ESRRB: variants seen among roughly 807,000 people sequenced by gnomAD.
The protein encoded by ESRRB is steroid hormone receptor ERR2.
In ESRRB, 16 loss-of-function variants were observed where a neutral mutation model predicts 46.0. The ratio of observed to expected loss-of-function variants is 0.35; its 90% CI spans 0.24 to 0.53. The LOEUF (loss-of-function observed/expected upper bound fraction) is 0.53, where lower values mean the gene tolerates loss of function less well. Among genes scored for constraint, ESRRB ranks in the 20% least tolerant of loss-of-function variants. The pLI is 0.93. For missense variants in ESRRB, 488 were observed against 607.4 expected, an observed-to-expected ratio of 0.80 and a Z score of 2.07; for synonymous variants, 246 against 259.6, an observed-to-expected ratio of 0.95 and a Z score of 0.50.
chr14:76,330,059 G>A (rs981659312), intron 1 of ESRRB, among the ~76,000 whole-genome samples: 4 of 152,128 alleles, frequency 2.6e-5, no homozygotes, highest in South Asian at 2.1e-4. Context: ...GCAGAAGAGC[G>A]AATGACGGAC....
At chr14:76,481,570 T>G (rs148754786) in intron 3 of ESRRB, among the ~76,000 whole-genome samples, 16 of 152,334 alleles carry the variant, frequency 1.1e-4, no homozygotes, top group African/African-American at 3.8e-4. Flanking sequence ...AATGAGCGCC[T>G]CCTCAGATGC....
chr14:76,422,151 C>T (rs1370660036), intron 1 of ESRRB, among the ~76,000 whole-genome samples: 2 of 151,444 alleles, frequency 1.3e-5, no homozygotes, highest in East Asian at 3.9e-4. Context: ...CCTACCTCTG[C>T]TTCTCCCTTA....
chr14:76,430,000 C>G (rs956051233), intron 1 of ESRRB, among the ~76,000 whole-genome samples: 1 of 151,918 alleles, frequency 6.6e-6, no homozygotes, highest in Non-Finnish European at 1.5e-5. Context: ...GCCTTCCTGT[C>G]TGCCTCCCTT....
At chr14:76,354,662 CG>C (rs1566858829) in intron 1 of ESRRB, among the ~76,000 whole-genome samples, 1 of 144,910 alleles carries the variant, frequency 6.9e-6, no homozygotes, top group Non-Finnish European at 1.5e-5. Flanking sequence ...CATGGGGTCT[CG>C]GGGGTGGAAG....
chr14:76,354,659 T>C (rs1244836380), intron 1 of ESRRB, among the ~76,000 whole-genome samples: 1 of 149,788 alleles, frequency 6.7e-6, no homozygotes. Flanking sequence ...ACCCATGGGG[T>C]CTCGGGGGTG....
intron 2 of ESRRB, among the ~76,000 whole-genome samples, chr14:76,448,803 A>C (rs1324923305): frequency 1.3e-5 from 2 of 152,186 alleles, no homozygotes; most frequent in African/African-American, 4.8e-5. Context: ...TGTAAACTTT[A>C]AGGGATCTAG....
At chr14:76,310,978 TTCTCTCTCTCTCTCTCTCTCTCTCTC>T (rs68079657) in intron 1 of ESRRB, 51 of 362,688 alleles carry the variant, frequency 1.4e-4, no homozygotes, top group African/African-American at 1.4e-3. Context: ...TCTGTCCCCT[TTCTCTCTCTCTCTCTCTCTCTCTCTC>T]TCTCTCTCTC....
At chr14:76,408,541 A>G (rs1886293520) in intron 1 of ESRRB, among the ~76,000 whole-genome samples, 2 of 148,766 alleles carry the variant, frequency 1.3e-5, no homozygotes, top group South Asian at 4.3e-4. Context: ...GCAGTGAACC[A>G]AGATCACACC....
upstream of ESRRB, among the ~76,000 whole-genome samples, chr14:76,369,364 TC>T (rs1223045382): frequency 2.7e-5 from 4 of 150,820 alleles, no homozygotes; most frequent in Non-Finnish European, 5.9e-5. Flanking sequence ...AACCTTTGCC[TC>T]CCAGGCTCAA....
chr14:76,367,235 C>T (rs1434493173), upstream of ESRRB, among the ~76,000 whole-genome samples: 1 of 151,740 alleles, frequency 6.6e-6, no homozygotes, highest in Non-Finnish European at 1.5e-5. Context: ...AGGTTGCATG[C>T]ATTTTCTGGA....
At chr14:76,359,884 C>A (rs1436118412) in intron 1 of ESRRB, among the ~76,000 whole-genome samples, 1 of 152,292 alleles carries the variant, frequency 6.6e-6, no homozygotes, top group Non-Finnish European at 1.5e-5. Context: ...AGAAAAGCAA[C>A]TGACACAGCA....
rs566845265 is a variant in ESRRB, at chr14:76,349,146, C to T, written c.2+38230C>T. ...GAGCCAATGAGTGAGTCAGCGCATC[C>T]GGACAGAGTTAATTAAAGCAGCGAG... is the stretch of plus-strand genomic sequence containing the variant. On this transcript the variant is annotated intron_variant, in intron 1 of 6. Coordinates refer to the ESRRB transcript ENST00000512784. Among the ~76,000 whole-genome samples, 254 of 152,238 alleles carry T rather than the reference C, an allele frequency of 1.7e-3. 3 individuals carry two copies. The highest frequency in any genetic ancestry group is 1.0e-3 in the Non-Finnish European group (71 of 68,022).
intron 1 of ESRRB, among the ~76,000 whole-genome samples, chr14:76,363,259 A>G (rs58833347): frequency 0.055 from 8,381 of 152,214 alleles, 353 homozygotes; most frequent in East Asian, 0.12. Flanking sequence ...TGAGGAATTT[A>G]TTTTACCTCC....
intron 1 of ESRRB, among the ~76,000 whole-genome samples, chr14:76,419,038 G>A (rs978543616): frequency 6.7e-6 from 1 of 149,224 alleles, no homozygotes; most frequent in South Asian, 2.1e-4. Context: ...TTTTTGAGAC[G>A]AGGTTTCACT....
intron 2 of ESRRB, among the ~76,000 whole-genome samples, chr14:76,444,568 T>C (rs1377499411): frequency 6.6e-6 from 1 of 152,022 alleles, no homozygotes; most frequent in African/African-American, 2.4e-5. Context: ...TTTGTTTTTG[T>C]AGAGATGAGG....
At chr14:76,373,959 C>G (rs1197687987), upstream of ESRRB, among the ~76,000 whole-genome samples, 1 of 152,172 alleles carries the variant, frequency 6.6e-6, no homozygotes, top group Admixed American at 6.5e-5. Context: ...TCTTTTCAGA[C>G]CATGAAGAGG....
chr14:76,377,823 GTGT>G (rs1884841491), intron 1 of ESRRB, among the ~76,000 whole-genome samples: 2 of 152,218 alleles, frequency 1.3e-5, no homozygotes, highest in Admixed American at 1.3e-4. Context: ...AGCATGGCTT[GTGT>G]TGTTGACCAG....
At chr14:76,315,471 C>T (rs1010441550) in intron 1 of ESRRB, among the ~76,000 whole-genome samples, 3 of 152,178 alleles carry the variant, frequency 2.0e-5, no homozygotes, top group Admixed American at 6.5e-5. Context: ...TGGCGCTCAC[C>T]TTTCTCAGTT....
At chr14:76,399,290 G>A (rs1421302174) in intron 1 of ESRRB, among the ~76,000 whole-genome samples, 2 of 152,146 alleles carry the variant, frequency 1.3e-5, no homozygotes, top group Non-Finnish European at 2.9e-5. Context: ...GGGGTTCCCT[G>A]GTATTGCTCT....
Sources: allele counts gnomAD v4.1 joint callset (sites outside exome capture counted in the v4.1 genomes callset), GRCh38; gene constraint gnomAD v4.1.1; transcripts MANE v1.5; gene names NCBI Gene and HGNC (gene_info 2026-07-23, HGNC 2026-07-21).